Variants in SHANK2 observed in about 807,000 individuals in gnomAD.
SHANK2 encodes SH3 and multiple ankyrin repeat domains protein 2.
In SHANK2, 43 loss-of-function variants were observed where a neutral mutation model predicts 133.7. The ratio of observed to expected loss-of-function variants is 0.32; its 90% CI spans 0.25 to 0.41. The LOEUF is 0.41. Ranked by LOEUF, SHANK2 falls within the 10% of genes least tolerant of loss-of-function variation. The pLI, the probability that SHANK2 is intolerant of heterozygous loss-of-function variation, is 1.00. For missense variants in SHANK2, 1,994 were observed against 2,235.8 expected, an observed-to-expected ratio of 0.89 and a Z score of 2.18; for synonymous variants, 1,017 against 952.8, an observed-to-expected ratio of 1.07 and a Z score of -1.24.
intron 14 of SHANK2, among the ~76,000 whole-genome samples, chr11:70,787,751 A>G (rs1217014084): frequency 6.6e-6 from 1 of 152,120 alleles, no homozygotes. Flanking sequence ...CAAGGCCACA[A>G]AATCTTAACA....
intron 8 of SHANK2, among the ~76,000 whole-genome samples, chr11:71,090,350 C>CTGTGTGTATGTGTG (rs1345988112): frequency 1.3e-4 from 1 of 7,722 alleles, no homozygotes; most frequent in African/African-American, 5.9e-4. Context: ...AACACAACCT[C>CTGTGTGTATGTGTG]TGTGTGTGTG....
intron 14 of SHANK2, among the ~76,000 whole-genome samples, chr11:70,768,869 G>A (rs1947183904): frequency 6.6e-6 from 1 of 152,056 alleles, no homozygotes; most frequent in Non-Finnish European, 1.5e-5. Context: ...TGGGAAGAGG[G>A]GCCAGGTGGG....
At chr11:70,849,112 C>A (rs111498355) in intron 11 of SHANK2, among the ~76,000 whole-genome samples, 3,308 of 152,230 alleles carry the variant, frequency 0.022, 70 homozygotes, top group Non-Finnish European at 0.03. Flanking sequence ...GGGGCACACA[C>A]CCCCTCCCCA....
chr11:70,779,512 G>A (rs918713692), intron 14 of SHANK2, among the ~76,000 whole-genome samples: 1 of 152,100 alleles, frequency 6.6e-6, no homozygotes, highest in East Asian at 1.9e-4. Context: ...AACCAAACAT[G>A]GGTATGCTGA....
At chr11:70,895,895 G>A (rs569668128) in intron 11 of SHANK2, among the ~76,000 whole-genome samples, 1 of 152,000 alleles carries the variant, frequency 6.6e-6, no homozygotes, top group East Asian at 1.9e-4. Context: ...AAACCAAGCA[G>A]AAGGAATAGA....
chr11:70,733,987 C>G (rs569191211), intron 14 of SHANK2, among the ~76,000 whole-genome samples: 2 of 152,316 alleles, frequency 1.3e-5, no homozygotes, highest in Non-Finnish European at 2.9e-5. Context: ...GCTCTGTGTA[C>G]TTGCTCGCGC....
rs1330062267 is a variant in SHANK2 at position 70,469,042 on chromosome 11, G to A, written c.*3827C>T. On this transcript the variant is annotated 3_prime_UTR_variant, in exon 26 of 26. Transcript: ENST00000601538. ...TGGCCTTATGGCTAGAAGACACCCT[G>A]CTGGGGTGTGGGGAGACTGGACCCT... The A allele has an allele frequency of 2.3e-4, 35 of 152,232 alleles. 2 individuals carry two copies. The highest frequency in any genetic ancestry group is 2.3e-3 in the Admixed American group (35 of 15,286). The allele number at this position is 152,232 out of a possible 1,614,324, so 9.4% of individuals were successfully genotyped here.
chr11:71,109,562 C>G (rs2135215688), intron 6 of SHANK2, among the ~76,000 whole-genome samples: 1 of 152,342 alleles, frequency 6.6e-6, no homozygotes, highest in East Asian at 1.9e-4. Flanking sequence ...GCTGGGCTGC[C>G]CGTGCCCAGC....
chr11:70,506,591 G>A (rs1191824288), intron 17 of SHANK2, among the ~76,000 whole-genome samples: 1 of 152,154 alleles, frequency 6.6e-6, no homozygotes, highest in South Asian at 2.1e-4. Context: ...AATCTGTCTC[G>A]CCCAGGTCTT....
chr11:70,774,700 C>T (rs952024078), intron 14 of SHANK2, among the ~76,000 whole-genome samples: 3 of 151,852 alleles, frequency 2.0e-5, no homozygotes, highest in Non-Finnish European at 4.4e-5. Flanking sequence ...TGCACAATCT[C>T]GTGAATATGC....
intron 11 of SHANK2, among the ~76,000 whole-genome samples, chr11:70,868,794 C>G (rs900248987): frequency 6.6e-6 from 1 of 152,224 alleles, no homozygotes; most frequent in Non-Finnish European, 1.5e-5. Flanking sequence ...GCCTCCTCAT[C>G]CTCACCCATT....
In SHANK2 at chr11:70,955,139, C is replaced by A. The variant is rs547836647; in HGVS notation, c.1108-58572G>T. On this transcript the variant is annotated intron_variant, in intron 10 of 25. Transcript: ENST00000601538. ...CTTATTAAAATGGAGCCATTCTGAACGTCTCTCATTGCCACTGCCTTTTTT... is the reference window on the plus strand; with the variant it reads ...CTTATTAAAATGGAGCCATTCTGAAAGTCTCTCATTGCCACTGCCTTTTTT... Among the ~76,000 whole-genome samples, 199 of 152,336 alleles carry A rather than the reference C, an allele frequency of 1.3e-3. 1 individual carries two copies. Among genetic ancestry groups the A allele is most frequent in the Non-Finnish European group, 2.1e-3 (141 of 68,038 alleles).
At chr11:70,881,040 T>G (rs1443646531) in intron 11 of SHANK2, among the ~76,000 whole-genome samples, 1 of 152,182 alleles carries the variant, frequency 6.6e-6, no homozygotes, top group African/African-American at 2.4e-5. Flanking sequence ...CTTGAGAGTC[T>G]TTCTTTTTGT....
At chr11:71,168,169 C>G (rs1326098077) in intron 2 of SHANK2, among the ~76,000 whole-genome samples, 1 of 136,390 alleles carries the variant, frequency 7.3e-6, no homozygotes, top group South Asian at 2.5e-4. Flanking sequence ...GGCAGAGACG[C>G]TCCTCACATC....
chr11:70,821,914 C>G (rs1029982113), intron 11 of SHANK2, among the ~76,000 whole-genome samples: 2 of 152,302 alleles, frequency 1.3e-5, no homozygotes, highest in African/African-American at 4.8e-5. Context: ...CTACAAAGCT[C>G]TAGACAGGGC....
At chr11:70,887,063 T>C (rs1949758231) in intron 11 of SHANK2, among the ~76,000 whole-genome samples, 1 of 152,060 alleles carries the variant, frequency 6.6e-6, no homozygotes, top group African/African-American at 2.4e-5. Context: ...ACAAAGACCG[T>C]AAAAAATAGG....
chr11:71,059,414 G>A (rs1198513708), intron 9 of SHANK2, among the ~76,000 whole-genome samples: 1 of 152,158 alleles, frequency 6.6e-6, no homozygotes, highest in Non-Finnish European at 1.5e-5. Flanking sequence ...TGGTGGTGAT[G>A]GCTGCACAAC....
intron 17 of SHANK2, among the ~76,000 whole-genome samples, chr11:70,575,228 C>G (rs1301357466): frequency 2.0e-5 from 3 of 152,124 alleles, no homozygotes; most frequent in African/African-American, 7.2e-5. Flanking sequence ...AGTACAAAGG[C>G]CAGCCGGATG....
rs1591469287 is a variant in SHANK2, at chr11:70,470,727, T to G, written c.*2142A>C. 6.6e-6 allele frequency: 1 copy of G among 152,286 alleles called. No individual in the cohort carries two copies. The highest frequency in any genetic ancestry group is 1.9e-4 in the East Asian group (1 of 5,202). The allele number at this position is 152,286 out of a possible 1,614,324, so 9.4% of individuals were successfully genotyped here. A position where few individuals can be genotyped will look rare whatever the true frequency, so the allele number is the denominator to read the frequency against. Reference sequence around the variant, plus strand: ...TGAAAGCACACGGAAGTAAAGCGCCTTAATATTCAATTGACTTCAAGTTGG... The same window carrying G: ...TGAAAGCACACGGAAGTAAAGCGCCGTAATATTCAATTGACTTCAAGTTGG... On this transcript the variant is annotated 3_prime_UTR_variant, in exon 26 of 26. Transcript: ENST00000601538.
Sources: allele counts gnomAD v4.1 joint callset (sites outside exome capture counted in the v4.1 genomes callset), GRCh38; gene constraint gnomAD v4.1.1; transcripts MANE v1.5; gene names NCBI Gene and HGNC (gene_info 2026-07-23, HGNC 2026-07-21).